Variants in GRM5 observed in about 807,000 individuals in gnomAD.
The protein encoded by GRM5 is glutamate metabotropic receptor 5, also known as metabotropic glutamate receptor 5.
Under a neutral mutation model 83.1 loss-of-function variants are expected in GRM5, and 19 were observed. The observed-to-expected ratio is 0.23, with a 90% CI of 0.16 to 0.34. GRM5 has a LOEUF of 0.34. GRM5 is among the 10% of genes least tolerant of loss of function. The probability of loss-of-function intolerance (pLI) is 1.00; values close to 1 mark genes in which losing one functional copy is unlikely to be tolerated. For synonymous variants in GRM5, 675 were observed against 633.6 expected (o/e 1.07, Z -0.98); for missense variants, 1,160 against 1,588.3 (o/e 0.73, Z 4.58).
At chr11:88,678,003 A>G (rs4439512) in intron 3 of GRM5, among the ~76,000 whole-genome samples, 27,554 of 151,980 alleles carry the variant, frequency 0.18, 2,669 homozygotes, top group Admixed American at 0.29. Context: ...AAATCACAAT[A>G]TATAAAGTGG....
chr11:89,039,195 G>A (rs1941466580), intron 2 of GRM5, among the ~76,000 whole-genome samples: 1 of 151,836 alleles, frequency 6.6e-6, no homozygotes, highest in Non-Finnish European at 1.5e-5. Context: ...AACCTGGGAG[G>A]CGGAGGTTGC....
chr11:89,000,244 T>C (rs1256291431), intron 2 of GRM5, among the ~76,000 whole-genome samples: 3 of 151,924 alleles, frequency 2.0e-5, no homozygotes, highest in Admixed American at 1.3e-4. Context: ...ATAACAATAA[T>C]TAAAAAACGG....
At chr11:88,638,377 G>T (rs1264550096) in intron 4 of GRM5, among the ~76,000 whole-genome samples, 2 of 152,028 alleles carry the variant, frequency 1.3e-5, no homozygotes, top group African/African-American at 2.4e-5. Flanking sequence ...TTACATCAGT[G>T]TTCATGAGGT....
intron 2 of GRM5, among the ~76,000 whole-genome samples, chr11:88,963,394 G>T (rs922589491): frequency 1.2e-4 from 18 of 152,190 alleles, no homozygotes; most frequent in Non-Finnish European, 2.1e-4. Flanking sequence ...CAGTTAGTTA[G>T]GTATTGCCAT....
At chr11:89,011,796 G>A (rs1444487820) in intron 2 of GRM5, among the ~76,000 whole-genome samples, 1 of 152,048 alleles carries the variant, frequency 6.6e-6, no homozygotes, top group African/African-American at 2.4e-5. Flanking sequence ...AACCTTCATG[G>A]GATTGCTATT....
At chr11:88,760,882 G>A (rs961934245) in intron 3 of GRM5, among the ~76,000 whole-genome samples, 2 of 152,060 alleles carry the variant, frequency 1.3e-5, no homozygotes, top group East Asian at 3.9e-4. Context: ...CGTTATCTCT[G>A]GGCTGCAAGG....
At chr11:88,627,069 C>G (rs531032053) in intron 4 of GRM5, among the ~76,000 whole-genome samples, 1 of 152,310 alleles carries the variant, frequency 6.6e-6, no homozygotes, top group South Asian at 2.1e-4. Flanking sequence ...AGGTACTATT[C>G]CATGTTCTTC....
intron 2 of GRM5, among the ~76,000 whole-genome samples, chr11:88,876,984 T>C (rs929019354): frequency 1.3e-5 from 2 of 152,078 alleles, no homozygotes; most frequent in Non-Finnish European, 2.9e-5. Flanking sequence ...TAATAATGCA[T>C]GATACCAATC....
chr11:88,599,313 T>A (rs1023194247), intron 5 of GRM5, among the ~76,000 whole-genome samples: 2 of 152,204 alleles, frequency 1.3e-5, no homozygotes, highest in Admixed American at 6.5e-5. Context: ...TTGAACTCAA[T>A]AAACTTGTTA....
chr11:88,572,139 C>T (rs1943016699), intron 7 of GRM5, among the ~76,000 whole-genome samples: 1 of 152,112 alleles, frequency 6.6e-6, no homozygotes, highest in Non-Finnish European at 1.5e-5. Flanking sequence ...TGGGTCTGAC[C>T]TAGTGAGCTT....
chr11:88,764,284 A>T (rs1192233867), intron 3 of GRM5, among the ~76,000 whole-genome samples: 1 of 151,662 alleles, frequency 6.6e-6, no homozygotes, highest in Non-Finnish European at 1.5e-5. Flanking sequence ...CCTCATTCTC[A>T]ATAATGATTA....
At chr11:89,023,719 A>C (rs1161599229) in intron 2 of GRM5, among the ~76,000 whole-genome samples, 2 of 151,794 alleles carry the variant, frequency 1.3e-5, no homozygotes, top group African/African-American at 4.8e-5. Flanking sequence ...GCATAGTGGC[A>C]CATGTCTGCA....
Position 88,508,540 on chromosome 11 carries a change from A to T in GRM5, c.*52T>A, listed in dbSNP as rs200023089. On this transcript the variant is annotated 3_prime_UTR_variant, in exon 10 of 10. Transcript: ENST00000305447. This position sits in a 1 kb window ranked among gnomAD's most constrained non-coding sequence, Gnocchi z 4.2. Reference sequence around the variant, plus strand: ...TATGCTTGCCATTGTGTGTGTGTGAACACGGGGGGCTCCGCTCCGCACGCG... The same window carrying T: ...TATGCTTGCCATTGTGTGTGTGTGATCACGGGGGGCTCCGCTCCGCACGCG... The T allele has an allele frequency of 4.7e-5, 69 of 1,474,068 alleles. No homozygotes were observed. The highest frequency in any genetic ancestry group is 6.5e-5 in the Non-Finnish European group (69 of 1,064,570). The allele number at this position is 1,474,068 out of a possible 1,614,324, so 91.3% of individuals were successfully genotyped here. A position where few individuals can be genotyped will look rare whatever the true frequency, so the allele number is the denominator to read the frequency against.
rs1208248209 is a variant in GRM5 at position 88,687,536 on chromosome 11, A to AT, written c.912-34134dup. ...CACACACACACACACATACATATAT[A>AT]TACACACACACACACACATATATAT... On this transcript the variant is annotated intron_variant, in intron 3 of 9. Transcript: ENST00000305447. Among the ~76,000 whole-genome samples, 10 of 16,092 alleles carry AT rather than the reference A, an allele frequency of 6.2e-4. No homozygotes were observed. In the East Asian group the frequency reaches 0.014, roughly 23 times the overall value. The allele number at this position is 16,092 out of a possible 152,430, so 10.6% of individuals were successfully genotyped here. A position where few individuals can be genotyped will look rare whatever the true frequency, so the allele number is the denominator to read the frequency against.
At position 88,647,915 on chromosome 11, in the gene GRM5, A is replaced by G. The variant is rs576704092; in HGVS notation, c.1147+5253T>C. Among the ~76,000 whole-genome samples, 1,390 of 151,556 alleles carry G rather than the reference A, an allele frequency of 9.2e-3. 25 individuals are homozygous for G. The highest frequency in any genetic ancestry group is 0.032 in the African/African-American group (1,313 of 41,556). On this transcript the variant is annotated intron_variant, in intron 4 of 9. Transcript: ENST00000305447. ...AACACATGAAAAAATGCTCATCATC[A>G]CTGGCCATCAGAGAAATGCAAATCA...
intron 2 of GRM5, among the ~76,000 whole-genome samples, chr11:88,897,995 A>G (rs1321461384): frequency 6.6e-6 from 1 of 152,018 alleles, no homozygotes; most frequent in Non-Finnish European, 1.5e-5. Context: ...CCTTAGAACA[A>G]CAGAAATACT....
chr11:88,925,221 A>G (rs1380986100), intron 2 of GRM5, among the ~76,000 whole-genome samples: 1 of 152,162 alleles, frequency 6.6e-6, no homozygotes, highest in African/African-American at 2.4e-5. Flanking sequence ...TGACACTTAT[A>G]AAATGGCCAC....
chr11:88,962,995 A>T (rs980613244), intron 2 of GRM5, among the ~76,000 whole-genome samples: 2 of 152,234 alleles, frequency 1.3e-5, no homozygotes, highest in African/African-American at 4.8e-5. Context: ...AGGCTGAGGC[A>T]GGAGAATTGT....
At chr11:88,748,488 G>A (rs1214033120) in intron 3 of GRM5, among the ~76,000 whole-genome samples, 1 of 152,144 alleles carries the variant, frequency 6.6e-6, no homozygotes, top group East Asian at 1.9e-4. Context: ...CATCTCTGTG[G>A]TTCAGTTGAG....
Sources: allele counts gnomAD v4.1 joint callset (sites outside exome capture counted in the v4.1 genomes callset), GRCh38; gene constraint gnomAD v4.1.1; non-coding constraint Gnocchi (gnomAD v3.1); transcripts MANE v1.5; gene names NCBI Gene and HGNC (gene_info 2026-07-23, HGNC 2026-07-21).